DIP2C: variants seen among roughly 807,000 people sequenced by gnomAD.
DIP2C encodes the protein disco-interacting protein 2 homolog C.
A neutral mutation model predicts 192.4 loss-of-function variants in DIP2C; 33 were observed. The ratio of observed to expected loss-of-function variants is 0.17; its 90% confidence interval spans 0.13 to 0.23. The LOEUF is 0.23. DIP2C is among the 10% of genes least tolerant of loss of function. The pLI, the probability that DIP2C is intolerant of heterozygous loss-of-function variation, is 1.00. For synonymous variants in DIP2C, 979 were observed against 864.1 expected (o/e 1.13, Z -2.33); for missense variants, 1,537 against 2,110.1 (o/e 0.73, Z 5.32).
At chr10:572,870 C>T (rs957334934) in intron 1 of DIP2C, among the ~76,000 whole-genome samples, 7 of 152,166 alleles carry the variant, frequency 4.6e-5, no homozygotes, top group Non-Finnish European at 1.0e-4. Context: ...CAGTAAATGA[C>T]AGCCGGCGGG....
rs1488995875 is a variant in DIP2C, at chr10:277,196, T to TCTTCCTCCTCCA, written c.*117_*128dup. The TCTTCCTCCTCCA allele has an allele frequency of 7.1e-7, 1 of 1,402,332 alleles. No individual in the cohort carries two copies. Among genetic ancestry groups the TCTTCCTCCTCCA allele is most frequent in the African/African-American group, 1.4e-5 (1 of 70,342 alleles). The allele number at this position is 1,402,332 out of a possible 1,614,324, so 86.9% of individuals were successfully genotyped here. ...CTGTGAGAAGTCCTCTTCCTCCTCC[T>TCTTCCTCCTCCA]CTTCCTCCTCCACTCTCACCACAAA... On this transcript the variant is annotated 3_prime_UTR_variant, in exon 37 of 37. Coordinates refer to ENST00000280886, the MANE Select transcript of DIP2C (RefSeq NM_014974.3).
chr10:362,467 A>G (rs1959658090), intron 22 of DIP2C, 23 bp downstream of exon 22: 2 of 1,610,600 alleles, frequency 1.2e-6, no homozygotes, highest in Admixed American at 1.7e-5. Flanking sequence ...GCACCTCACA[A>G]GCTGCCCAAG....
chr10:485,928 G>A (rs1843984119), intron 2 of DIP2C, among the ~76,000 whole-genome samples: 1 of 152,208 alleles, frequency 6.6e-6, no homozygotes. Context: ...CAGCTCAAGT[G>A]CAGGAAAGCT....
At chr10:447,154 G>A (rs1463022888) in intron 3 of DIP2C, among the ~76,000 whole-genome samples, 1 of 151,882 alleles carries the variant, frequency 6.6e-6, no homozygotes, top group Non-Finnish European at 1.5e-5. Context: ...CAGTGGGGCA[G>A]CAGGACCCAC....
At chr10:674,867 T>C (rs7913152) in intron 1 of DIP2C, among the ~76,000 whole-genome samples, 143,385 of 144,538 alleles carry the variant, frequency 0.99, 71,131 homozygotes, top group Middle Eastern at 1. Context: ...AAACCCCACT[T>C]TCAGCACTGG....
intron 17 of DIP2C, among the ~76,000 whole-genome samples, chr10:377,103 T>C (rs1293693989): frequency 6.6e-6 from 1 of 151,736 alleles, no homozygotes; most frequent in Non-Finnish European, 1.5e-5. Context: ...GAAAGTGAGC[T>C]GCCCATCTTT....
At chr10:387,923 C>A (rs373299227) in intron 13 of DIP2C, 114 bp from the exon 14 acceptor site, 4 of 1,207,282 alleles carry the variant, frequency 3.3e-6, no homozygotes, top group South Asian at 2.5e-5. Context: ...GGGAAAATAT[C>A]ATTTTGCCGT....
At chr10:296,651 A>G (rs533886147) in intron 32 of DIP2C, among the ~76,000 whole-genome samples, 191 of 152,224 alleles carry the variant, frequency 1.3e-3, no homozygotes, top group African/African-American at 4.4e-3. Flanking sequence ...ATGCCCATCA[A>G]TGATAGACTG....
At chr10:460,428 A>G (rs1051918330) in intron 3 of DIP2C, among the ~76,000 whole-genome samples, 3 of 152,264 alleles carry the variant, frequency 2.0e-5, no homozygotes, top group Non-Finnish European at 4.4e-5. Context: ...GATATGTACT[A>G]TGATGAAGAG....
chr10:466,965 G>C (rs1237378372), intron 3 of DIP2C, among the ~76,000 whole-genome samples: 1 of 149,540 alleles, frequency 6.7e-6, no homozygotes, highest in Non-Finnish European at 1.5e-5. Flanking sequence ...CATTGTGGAA[G>C]TCAGTGTGGC....
chr10:357,479 C>T (rs1338645667), intron 23 of DIP2C, among the ~76,000 whole-genome samples: 3 of 152,186 alleles, frequency 2.0e-5, no homozygotes, highest in Admixed American at 1.3e-4. Context: ...CTCGGTCCTG[C>T]GAGTCGTGGG....
chr10:661,413 G>A (rs1280607290), intron 1 of DIP2C, among the ~76,000 whole-genome samples: 1 of 152,152 alleles, frequency 6.6e-6, no homozygotes, highest in Admixed American at 6.5e-5. Context: ...AGGCCTCGAA[G>A]GACCATCTCC....
intron 1 of DIP2C, among the ~76,000 whole-genome samples, chr10:496,121 A>G (rs1844812828): frequency 7.3e-6 from 1 of 136,082 alleles, no homozygotes; most frequent in African/African-American, 2.8e-5. Flanking sequence ...TAAAATCTCT[A>G]CATTACTCTC....
intron 10 of DIP2C, among the ~76,000 whole-genome samples, chr10:395,400 C>G (rs1490906871): frequency 1.3e-5 from 2 of 151,982 alleles, no homozygotes; most frequent in South Asian, 2.1e-4. Context: ...CACACTCTAC[C>G]CCATAAATGT....
At chr10:432,151 C>T (rs1966863907) in intron 4 of DIP2C, among the ~76,000 whole-genome samples, 1 of 151,936 alleles carries the variant, frequency 6.6e-6, no homozygotes, top group African/African-American at 2.4e-5. Context: ...CATCTGTGTT[C>T]ATGAGAGATG....
Position 671,498 on chromosome 10 carries a change from C to T in DIP2C, c.85+17996G>A, listed in dbSNP as rs372148094. Among the ~76,000 whole-genome samples the T allele has an allele frequency of 2.8e-3, 280 of 98,360 alleles. 41 individuals carry two copies. Among genetic ancestry groups the T allele is most frequent in the African/African-American group, 0.012 (251 of 20,394 alleles). 64.5% of individuals were successfully genotyped at this position (98,360 alleles called of 152,430 possible). A position where few individuals can be genotyped will look rare whatever the true frequency, so the allele number is the denominator to read the frequency against. On this transcript the variant is annotated intron_variant, in intron 1 of 36. Transcript: ENST00000280886. ...GGAGGAAACGCCACAGACGCACGGA[C>T]GGAGGAAACAGGCCACAGACGCACG...
intron 3 of DIP2C, among the ~76,000 whole-genome samples, chr10:449,731 T>C (rs1968673408): frequency 1.4e-5 from 2 of 148,054 alleles, no homozygotes; most frequent in African/African-American, 5.1e-5. Context: ...TGTATACATA[T>C]GTAACTAACC....
chr10:583,926 C>T (rs1031499122), intron 1 of DIP2C, among the ~76,000 whole-genome samples: 4 of 152,182 alleles, frequency 2.6e-5, no homozygotes, highest in African/African-American at 9.7e-5. Flanking sequence ...TGTAATGACG[C>T]AGAAGGAGAG....
chr10:305,063 A>G lies in DIP2C; in HGVS notation c.3986+4968T>C, dbSNP rs1956247973. ...TGTCTATACTTGCAGCACACACTAC[A>G]CTCATGCACATGCATGTGCAGTTGA... On this transcript the variant is annotated intron_variant, in intron 32 of 36. Coordinates refer to ENST00000280886, the MANE Select transcript of DIP2C (RefSeq NM_014974.3). Among the ~76,000 whole-genome samples the G allele has an allele frequency of 2.0e-5, 3 of 151,726 alleles. No homozygotes were observed. In the South Asian group the frequency reaches 6.2e-4, roughly 32 times the overall value.
Sources: allele counts gnomAD v4.1 joint callset (sites outside exome capture counted in the v4.1 genomes callset), GRCh38; gene constraint gnomAD v4.1.1; transcripts MANE v1.5; gene names NCBI Gene and HGNC (gene_info 2026-07-23, HGNC 2026-07-21).